The following FOLH1 variants were observed in gnomAD, a reference collection of about 807,000 sequenced individuals.
The protein encoded by FOLH1 is folate hydrolase 1.
FOLH1 carries 54 observed loss-of-function variants against 93.9 expected under a neutral mutation model. The ratio of observed to expected loss-of-function variants is 0.57; its 90% CI spans 0.46 to 0.72. The LOEUF (loss-of-function observed/expected upper bound fraction) is 0.72. Among genes scored for constraint, FOLH1 ranks in the 30% least tolerant of loss-of-function variants. The pLI, the probability that FOLH1 is intolerant of heterozygous loss-of-function variation, is 0.00. For synonymous variants in FOLH1, 249 were observed against 303.6 expected, an observed-to-expected ratio of 0.82 and a Z score of 1.87; for missense variants, 571 against 892.5, an observed-to-expected ratio of 0.64 and a Z score of 4.59.
chr11:49,178,714 T>C (rs1860385841), intron 7 of FOLH1, among the ~76,000 whole-genome samples: 1 of 152,192 alleles, frequency 6.6e-6, no homozygotes, highest in South Asian at 2.1e-4. Flanking sequence ...AATAGTTGAA[T>C]ATTAAAATTT....
chr11:49,194,665 GAATA>G (rs1458905212), intron 3 of FOLH1, among the ~76,000 whole-genome samples: 3 of 151,732 alleles, frequency 2.0e-5, no homozygotes, highest in Non-Finnish European at 4.4e-5. Context: ...ATGGAAAAAA[GAATA>G]ATTAAAAAGC....
chr11:49,176,438 C>T (rs1757504552), intron 7 of FOLH1, among the ~76,000 whole-genome samples: 2 of 152,174 alleles, frequency 1.3e-5, no homozygotes, highest in African/African-American at 2.4e-5. Context: ...CCCCTAAAAG[C>T]TTCACGCTAT....
chr11:49,208,449 G>T lies in FOLH1; in HGVS notation c.-40C>A. ...AGCCGGCCTCCCGGGACCCGCGCCTGTGCTGCTGCTCTACTGCGCGCCCTC... is the reference window on the plus strand; with the variant it reads ...AGCCGGCCTCCCGGGACCCGCGCCTTTGCTGCTGCTCTACTGCGCGCCCTC... On this transcript the variant is annotated 5_prime_UTR_variant, in exon 1 of 19. Coordinates refer to ENST00000256999, the MANE Select transcript of FOLH1 (RefSeq NM_004476.3). 6.9e-7 allele frequency: 1 copy of T among 1,441,116 alleles called. No homozygotes were observed. Among genetic ancestry groups the T allele is most frequent in the Non-Finnish European group, 9.6e-7 (1 of 1,045,142 alleles). 89.3% of individuals were successfully genotyped at this position (1,441,116 alleles called of 1,614,324 possible).
chr11:49,156,572 G>A, intron 15 of FOLH1, 145 bp downstream of exon 15: 1 of 970,598 alleles, frequency 1.0e-6, no homozygotes, highest in South Asian at 1.6e-5. Flanking sequence ...CTACGTAGTA[G>A]TGATACTGTC....
At chr11:49,186,612 G>A in intron 5 of FOLH1, 32 bp downstream of exon 5, 2 of 1,593,986 alleles carry the variant, frequency 1.3e-6, no homozygotes, top group Non-Finnish European at 1.7e-6. Flanking sequence ...TTACATTGGG[G>A]GAGAGAAAAA....
At chr11:49,176,638 G>A (rs1860076338) in intron 7 of FOLH1, among the ~76,000 whole-genome samples, 4 of 151,846 alleles carry the variant, frequency 2.6e-5, no homozygotes, top group Admixed American at 2.6e-4. Context: ...TCTTGATATG[G>A]GCATGTAAAA....
chr11:49,202,224 A>G, intron 2 of FOLH1, among the ~76,000 whole-genome samples: 1 of 152,202 alleles, frequency 6.6e-6, no homozygotes, highest in Non-Finnish European at 1.5e-5. Context: ...CTTCTCAATG[A>G]TTTTAATCAT....
Position 49,192,912 on chromosome 11 carries a change from T to G in FOLH1, c.412-18A>C. On this transcript the variant is annotated intron_variant, in intron 3 of 18. Coordinates refer to ENST00000256999, the MANE Select transcript of FOLH1 (RefSeq NM_004476.3). ...TTGAAAATCTAGAGAAACAAAATATTATAATCAAAATAAAACAGTTAAAGT... is the reference window on the plus strand; with the variant it reads ...TTGAAAATCTAGAGAAACAAAATATGATAATCAAAATAAAACAGTTAAAGT... 6.4e-7 allele frequency: 1 copy of G among 1,560,798 alleles called. No homozygotes were observed. Among genetic ancestry groups the G allele is most frequent in the East Asian group, 2.3e-5 (1 of 43,978 alleles).
At chr11:49,177,715 A>G (rs1367363200) in intron 7 of FOLH1, among the ~76,000 whole-genome samples, 1 of 149,270 alleles carries the variant, frequency 6.7e-6, no homozygotes, top group Non-Finnish European at 1.5e-5. Flanking sequence ...TGGGAGGGCG[A>G]GGCAAGCGGA....
At chr11:49,173,235 T>C (rs919912747) in intron 10 of FOLH1, 122 bp downstream of exon 10, 2 of 1,048,492 alleles carry the variant, frequency 1.9e-6, no homozygotes, top group Admixed American at 6.7e-5. Context: ...ACACTGAAAA[T>C]TGTATTAGTA....
At position 49,208,344 on chromosome 11, in the gene FOLH1, G is replaced by T; in HGVS notation, c.66C>A (p.Cys22Ter). 1.3e-6 allele frequency: 2 copies of T among 1,599,776 alleles called. No individual in the cohort carries two copies. The highest frequency in any genetic ancestry group is 2.3e-5 in the East Asian group (1 of 44,338). The change falls in exon 1 of 19, where the codon TGC (cysteine) becomes TGA (stop). Residue 22 changes from cysteine (C) to a stop codon, truncating the protein, a stop_gained. Transcript: ENST00000256999. LOFTEE classifies it high-confidence loss of function. ...VATARRPRWL[C>*]AGALVLAGGF... ...CACCCGCCAGCACCAGCGCCCCAGC[G>T]CACAGCCAGCGCGGGCGGCGCGCGG...
intron 15 of FOLH1, chr11:49,155,665 A>G (rs1856922158): frequency 6.3e-6 from 1 of 158,798 alleles, no homozygotes; most frequent in African/African-American, 2.4e-5. Context: ...TGATGAACAG[A>G]AATCAGGGGT....
intron 12 of FOLH1, among the ~76,000 whole-genome samples, 172 bp from the exon 13 acceptor site, chr11:49,164,944 C>T (rs1031563306): frequency 3.9e-5 from 6 of 152,150 alleles, no homozygotes; most frequent in African/African-American, 1.4e-4. Context: ...CTCACCATGG[C>T]CCACACTGCC....
At chr11:49,160,923 A>C (rs528344668) in intron 13 of FOLH1, among the ~76,000 whole-genome samples, 26 of 152,230 alleles carry the variant, frequency 1.7e-4, no homozygotes, top group African/African-American at 6.3e-4. Flanking sequence ...AGGTTATTCA[A>C]TTTCCATGGA....
Position 49,208,420 on chromosome 11 carries a change from G to C in FOLH1, c.-11C>G. ...AAGGAGATTCCACATCTCGGCGCGA[G>C]CAGAGCCGGCCTCCCGGGACCCGCG... On this transcript the variant is annotated 5_prime_UTR_variant, in exon 1 of 19. Transcript: ENST00000256999. 1 of 1,579,506 alleles carries C rather than the reference G, an allele frequency of 6.3e-7. No homozygotes were observed. Among genetic ancestry groups the C allele is most frequent in the Non-Finnish European group, 8.6e-7 (1 of 1,158,528 alleles).
At chr11:49,150,162 C>T (rs564134966) in intron 17 of FOLH1, among the ~76,000 whole-genome samples, 107 of 152,244 alleles carry the variant, frequency 7.0e-4, no homozygotes, top group South Asian at 1.7e-3. Flanking sequence ...ATAGAGAGGG[C>T]TCACTGTATT....
At chr11:49,165,913 T>C (rs1227780779) in intron 12 of FOLH1, among the ~76,000 whole-genome samples, 1 of 151,946 alleles carries the variant, frequency 6.6e-6, no homozygotes, top group Non-Finnish European at 1.5e-5. Context: ...AATTGGGGAG[T>C]GGAGTAGTTT....
At chr11:49,162,543 T>C (rs1857825216) in intron 13 of FOLH1, among the ~76,000 whole-genome samples, 1 of 152,212 alleles carries the variant, frequency 6.6e-6, no homozygotes. Context: ...CACGCTCCTT[T>C]ACCTCAGTAA....
At chr11:49,167,695 T>C (rs1858579632) in intron 12 of FOLH1, among the ~76,000 whole-genome samples, 1 of 152,040 alleles carries the variant, frequency 6.6e-6, no homozygotes, top group Admixed American at 6.6e-5. Flanking sequence ...TTGCCTGTAG[T>C]CCCAGCTACC....
Sources: allele counts gnomAD v4.1 joint callset (sites outside exome capture counted in the v4.1 genomes callset), GRCh38; gene constraint gnomAD v4.1.1; transcripts MANE v1.5; gene names NCBI Gene and HGNC (gene_info 2026-07-23, HGNC 2026-07-21).